RBM14: variants seen among roughly 807,000 people sequenced by gnomAD.
RBM14 encodes RNA binding motif protein 14, also known as RNA-binding protein 14.
Under a neutral mutation model 52.8 loss-of-function variants are expected in RBM14, and 5 were observed. The observed-to-expected ratio is 0.09, with a 90% CI of 0.05 to 0.20. The LOEUF (loss-of-function observed/expected upper bound fraction) is 0.20. Ranked by LOEUF, RBM14 falls within the 10% of genes least tolerant of loss-of-function variation. The probability of loss-of-function intolerance (pLI) is 1.00; values close to 1 mark genes in which losing one functional copy is unlikely to be tolerated. For synonymous variants in RBM14, 411 were observed against 401.8 expected, an observed-to-expected ratio of 1.02 and a Z score of -0.28; for missense variants, 780 against 926.6, an observed-to-expected ratio of 0.84 and a Z score of 2.05.
chr11:66,623,284 CAG>C, intron 1 of RBM14, among the ~76,000 whole-genome samples: 1 of 152,300 alleles, frequency 6.6e-6, no homozygotes, highest in Non-Finnish European at 1.5e-5. Flanking sequence ...TGGTCTGGGA[CAG>C]GGGGATTGGG....
In RBM14 at chr11:66,629,840, T is replaced by G. The variant is rs149176580; in HGVS notation, c.*3172T>G. Among the ~76,000 whole-genome samples, 9 of 152,144 alleles carry G rather than the reference T, an allele frequency of 5.9e-5. No homozygotes were observed. The highest frequency in any genetic ancestry group is 2.2e-4 in the African/African-American group (9 of 41,506). ...CCTGTAATTCCCAGCGCTTTGGGAA[T>G]TTGAGGCAAGAGGATTGCTAGAGGC... On this transcript the variant is annotated 3_prime_UTR_variant, in exon 3 of 3. Transcript: ENST00000310137.
rs752216180 is a variant in RBM14, at chr11:66,616,844, A to G, written c.124A>G (p.Met42Val). ...AVMKQFAFVH[M>V]RENAGALRAI... is the part of the protein sequence containing the mutation. ...CATGAAACAGTTCGCCTTCGTGCAC[A>G]TGCGCGAGAACGCGGGCGCGCTGCG... Residue 42 changes from methionine (M) to valine (V), a missense_variant, in exon 1 of 3, where the codon ATG becomes GTG. Physicochemically the swap from Met to Val is conservative, Grantham distance 21. This residue lies in a region of RBM14 where 71 missense variants were observed against 119.2 expected (regional missense o/e 0.60). Coordinates refer to ENST00000310137, the MANE Select transcript of RBM14 (RefSeq NM_006328.4). The G allele has an allele frequency of 2.5e-6, 4 of 1,612,480 alleles. No individual in the cohort carries two copies. Among genetic ancestry groups the G allele is most frequent in the South Asian group, 1.1e-5 (1 of 91,074 alleles).
Position 66,628,374 on chromosome 11 carries a change from A to G in RBM14, c.*1706A>G, listed in dbSNP as rs1421789556. Among the ~76,000 whole-genome samples the G allele has an allele frequency of 6.6e-6, 1 of 152,212 alleles. No individual in the cohort carries two copies. Among genetic ancestry groups the G allele is most frequent in the Middle Eastern group, 3.2e-3 (1 of 316 alleles). On this transcript the variant is annotated 3_prime_UTR_variant, in exon 3 of 3. Transcript: ENST00000310137. ...TGTACGTGTTAGTCAAGTGGAGGTC[A>G]GGTGGGTTATCTTCTGCCTCCTTCA...
At chr11:66,617,351 TCTC>T (rs1412279623) in intron 1 of RBM14, 16 of 1,229,462 alleles carry the variant, frequency 1.3e-5, no homozygotes, top group African/African-American at 1.1e-4. Context: ...GGGCGCGCCT[TCTC>T]CTGGTCTCCT....
At chr11:66,622,765 A>AG (rs751220489) in intron 1 of RBM14, among the ~76,000 whole-genome samples, 1 of 152,214 alleles carries the variant, frequency 6.6e-6, no homozygotes, top group Non-Finnish European at 1.5e-5. Flanking sequence ...TCTAAAAATG[A>AG]GGACCCTTGT....
At chr11:66,618,619 T>C (rs1424086872) in intron 1 of RBM14, 19 of 715,038 alleles carry the variant, frequency 2.7e-5, no homozygotes, top group Middle Eastern at 2.3e-4. Context: ...GGTCTCAGAT[T>C]GGGTACTTGT....
In RBM14 at chr11:66,625,426, G is replaced by A. The variant is rs1460891067; in HGVS notation, c.1550G>A (p.Arg517His). Residue 517 changes from arginine (R) to histidine (H), a missense_variant, in exon 2 of 3, where the codon CGC becomes CAC. By Grantham distance (29) the Arg-to-His change is conservative. Transcript: ENST00000310137. This position sits in a 1 kb window ranked among gnomAD's most constrained non-coding sequence, Gnocchi z 4.2. ...TCTGCCACCCTGGCAGCTCCTTACCGCACTCAGTCATCAGCCTCATTGGCT... is the reference window on the plus strand; with the variant it reads ...TCTGCCACCCTGGCAGCTCCTTACCACACTCAGTCATCAGCCTCATTGGCT... ...QPSATLAAPY[R>H]TQSSASLAAS... 4.3e-6 allele frequency: 7 copies of A among 1,613,512 alleles called. No homozygotes were observed. Among genetic ancestry groups the A allele is most frequent in the South Asian group, 1.1e-5 (1 of 91,046 alleles).
At chr11:66,618,649 T>C in intron 1 of RBM14, 1 of 685,446 alleles carries the variant, frequency 1.5e-6, no homozygotes. Context: ...GGGTGGGGTA[T>C]ATGAGTCTCA....
intron 1 of RBM14, chr11:66,623,781 T>TTAGGCCTCAAAAGTGAGC (rs2135018606): frequency 4.4e-6 from 3 of 674,386 alleles, no homozygotes; most frequent in Middle Eastern, 2.4e-4. Flanking sequence ...TGTTTGAGAG[T>TTAGGCCTCAAAAGTGAGC]TAGGCCTCAA....
At position 66,624,560 on chromosome 11, in the gene RBM14, T is replaced by C; in HGVS notation, c.684T>C (p.Ala228=). ...RRSPPRASYV[A]PLTAQPATYR... is the part of the protein sequence containing the mutation. ...CACCTCCCCGAGCCTCTTATGTGGC[T>C]CCTCTGACGGCCCAGCCAGCTACCT... The change falls in exon 2 of 3, where the codon GCT becomes GCC. Residue 228 remains alanine (A), a synonymous_variant. Coordinates refer to ENST00000310137, the MANE Select transcript of RBM14 (RefSeq NM_006328.4). This position sits in a 1 kb window ranked among gnomAD's most constrained non-coding sequence, Gnocchi z 4.7. 1 of 1,612,776 alleles carries C rather than the reference T, an allele frequency of 6.2e-7. No homozygotes were observed. Among genetic ancestry groups the C allele is most frequent in the Non-Finnish European group, 8.5e-7 (1 of 1,179,998 alleles).
intron 1 of RBM14, chr11:66,617,653 T>A (rs183018322): frequency 7.7e-6 from 6 of 778,446 alleles, no homozygotes; most frequent in Non-Finnish European, 7.8e-6. Flanking sequence ...AGGGGCCCCT[T>A]CCGAATCACT....
chr11:66,625,311 T>A lies in RBM14; in HGVS notation c.1435T>A (p.Ser479Thr). Residue 479 changes from serine (S) to threonine (T), a missense_variant, in exon 2 of 3, where the codon TCA becomes ACA. Ser to Thr is a moderately conservative substitution (Grantham distance 58). Coordinates refer to ENST00000310137, the MANE Select transcript of RBM14 (RefSeq NM_006328.4). This position sits in a 1 kb window ranked among gnomAD's most constrained non-coding sequence, Gnocchi z 4.2. ...TQLNSYGAQASMGLSGSYGAQ... is the reference protein window; with the variant it reads ...TQLNSYGAQATMGLSGSYGAQ... ...GCTGAATAGTTACGGGGCCCAAGCA[T>A]CAATGGGCCTTTCAGGCTCCTATGG... is the stretch of plus-strand genomic sequence containing the variant. 1 of 1,611,614 alleles carries A rather than the reference T, an allele frequency of 6.2e-7. No individual in the cohort carries two copies. Among genetic ancestry groups the A allele is most frequent in the East Asian group, 2.2e-5 (1 of 44,726 alleles).
rs1354750341 is a variant in RBM14, at chr11:66,626,505, G to C, written c.1847G>C (p.Arg616Pro). 6.2e-7 allele frequency: 1 copy of C among 1,613,764 alleles called. No homozygotes were observed. Among genetic ancestry groups the C allele is most frequent in the African/African-American group, 1.3e-5 (1 of 74,926 alleles). ...TTAGCCGAGCTCTCTGATTACCGCC[G>C]TTTATCAGAGTCGCAGCTTTCGTTC... ...RRLAELSDYR[R>P]LSESQLSFRR... The change falls in exon 3 of 3, where the codon CGT becomes CCT. Residue 616 changes from arginine to proline, a missense_variant. Coordinates refer to ENST00000310137, the MANE Select transcript of RBM14 (RefSeq NM_006328.4).
chr11:66,618,447 A>G, intron 1 of RBM14: 1 of 716,862 alleles, frequency 1.4e-6, no homozygotes, highest in Non-Finnish European at 2.6e-6. Flanking sequence ...ACTACTAGGA[A>G]CAAGTCCTTG....
In RBM14 at chr11:66,628,874, C is replaced by G. The variant is rs1937929336; in HGVS notation, c.*2206C>G. 6.6e-6 allele frequency among the ~76,000 whole-genome samples: 1 copy of G among 152,158 alleles called. No individual in the cohort carries two copies. The highest frequency in any genetic ancestry group is 1.5e-5 in the Non-Finnish European group (1 of 68,030). On this transcript the variant is annotated 3_prime_UTR_variant, in exon 3 of 3. Coordinates refer to ENST00000310137, the MANE Select transcript of RBM14 (RefSeq NM_006328.4). ...TCAATCCCTTGGTTCCTGCAAAAAA[C>G]AGCTAAATGTGCTCTCAGGGCCAGT...
Position 66,625,632 on chromosome 11 carries a change from G to C in RBM14, c.1756G>C (p.Ala586Pro), listed in dbSNP as rs765204276. The C allele has an allele frequency of 6.2e-7, 1 of 1,612,788 alleles. No individual in the cohort carries two copies. The highest frequency in any genetic ancestry group is 1.3e-5 in the African/African-American group (1 of 74,924). Residue 586 changes from alanine (A) to proline (P), a missense_variant, in exon 2 of 3, where the codon GCC (alanine) becomes CCC (proline). By Grantham distance (27) the Ala-to-Pro change is conservative. Coordinates refer to ENST00000310137, the MANE Select transcript of RBM14 (RefSeq NM_006328.4). This position sits in a 1 kb window ranked among gnomAD's most constrained non-coding sequence, Gnocchi z 4.2. ...GCGTACCCGCCTCTCCCCACCCCGG[G>C]CCAGCTACGACGATCCCTACAAAAA... ...YERTRLSPPR[A>P]SYDDPYKKAV...
chr11:66,616,661 G>A lies in RBM14; in HGVS notation c.-60G>A. 2.0e-6 allele frequency: 3 copies of A among 1,514,584 alleles called. No individual in the cohort carries two copies. The highest frequency in any genetic ancestry group is 2.7e-6 in the Non-Finnish European group (3 of 1,129,398). 93.8% of individuals were successfully genotyped at this position (1,514,584 alleles called of 1,614,324 possible). On this transcript the variant is annotated 5_prime_UTR_variant, in exon 1 of 3. Coordinates refer to ENST00000310137, the MANE Select transcript of RBM14 (RefSeq NM_006328.4). ...GAGGAGGACTGCCGGTCGTTCGGAC[G>A]TCTTGCCTGTCGCTGGAGGAGAGGT... is the stretch of plus-strand genomic sequence containing the variant.
Position 66,625,156 on chromosome 11 carries a change from C to T in RBM14, c.1280C>T (p.Ser427Phe), listed in dbSNP as rs1458697811. ...GCACAGCAGGCTGCTTCCTACTCTTCCCAACCTGCTGCCTATGTGGCACAG... is the reference window on the plus strand; with the variant it reads ...GCACAGCAGGCTGCTTCCTACTCTTTCCAACCTGCTGCCTATGTGGCACAG... The part of the protein sequence containing the change: ...YAAQQAASYS[S>F]QPAAYVAQPA... The change falls in exon 2 of 3, where the codon TCC becomes TTC. Residue 427 changes from serine (S) to phenylalanine (F), a missense_variant. Ser to Phe is a radical substitution (Grantham distance 155). This residue lies in a region of RBM14 where 675 missense variants were observed against 697.3 expected (regional missense o/e 0.97). Transcript: ENST00000310137. The surrounding 1 kb of genome is among the most constrained non-coding windows in gnomAD (Gnocchi z 4.2). The T allele has an allele frequency of 1.2e-6, 2 of 1,612,802 alleles. No individual in the cohort carries two copies. The highest frequency in any genetic ancestry group is 2.7e-5 in the African/African-American group (2 of 75,038).
chr11:66,624,028 G>T lies in RBM14; in HGVS notation c.338-186G>T. 1 of 1,018,664 alleles carries T rather than the reference G, an allele frequency of 9.8e-7. No individual in the cohort carries two copies. Among genetic ancestry groups the T allele is most frequent in the Non-Finnish European group, 1.5e-6 (1 of 661,122 alleles). The allele number at this position is 1,018,664 out of a possible 1,614,324, so 63.1% of individuals were successfully genotyped here. A position where few individuals can be genotyped will look rare whatever the true frequency, so the allele number is the denominator to read the frequency against. On this transcript the variant is annotated intron_variant, in intron 1 of 2. Transcript: ENST00000310137. This position sits in a 1 kb window ranked among gnomAD's most constrained non-coding sequence, Gnocchi z 4.7. ...AAGAAGGCTGTAGGCAAAGATGACT[G>T]CTTGGGACAGTCAGAAGCTTTGTTA...
Sources: allele counts gnomAD v4.1 joint callset (sites outside exome capture counted in the v4.1 genomes callset), GRCh38; gene constraint gnomAD v4.1.1; regional missense constraint gnomAD v4.1.1; non-coding constraint Gnocchi (gnomAD v3.1); transcripts MANE v1.5; gene names NCBI Gene and HGNC (gene_info 2026-07-23, HGNC 2026-07-21).